The following PCDHA9 variants were observed in gnomAD, a reference collection of about 807,000 sequenced individuals.
PCDHA9 encodes the protein protocadherin alpha-9.
A neutral mutation model predicts 62.0 loss-of-function variants in PCDHA9; 62 were observed. The ratio of observed to expected loss-of-function variants is 1.00; its 90% CI spans 0.81 to 1.23. The LOEUF (loss-of-function observed/expected upper bound fraction) is 1.23. Ranked by LOEUF, PCDHA9 falls within the 50% of genes most tolerant of loss-of-function variation. The probability of loss-of-function intolerance (pLI) is 0.00; values close to 1 mark genes in which losing one functional copy is unlikely to be tolerated. For missense variants in PCDHA9, 1,205 were observed against 1,249.8 expected (o/e 0.96, Z 0.54); for synonymous variants, 557 against 567.6 (o/e 0.98, Z 0.27).
At chr5:140,900,667 G>A (rs557447526) in intron 1 of PCDHA9, among the ~76,000 whole-genome samples, 12 of 152,222 alleles carry the variant, frequency 7.9e-5, no homozygotes, top group Non-Finnish European at 1.6e-4. Flanking sequence ...CAATGGGAGT[G>A]CAGTTATCTC....
intron 1 of PCDHA9, among the ~76,000 whole-genome samples, chr5:140,952,764 G>A (rs1554220603): frequency 6.6e-6 from 1 of 152,116 alleles, no homozygotes; most frequent in Non-Finnish European, 1.5e-5. Flanking sequence ...CCTGAGACTG[G>A]ATAATTTAGA....
Position 140,856,093 on chromosome 5 carries a change from C to T in PCDHA9, c.2394+5204C>T, listed in dbSNP as rs533343357. 16 of 1,597,146 alleles carry T rather than the reference C, an allele frequency of 1.0e-5. 3 individuals are homozygous for T. Among genetic ancestry groups the T allele is most frequent in the South Asian group, 7.7e-5 (7 of 90,462 alleles). ...GCCTGGGGGTCCAGTGTCTGCTGCT[C>T]TCGCTTCTTCTCCTCGCAGCCTGGG... is the stretch of plus-strand genomic sequence containing the variant. On this transcript the variant is annotated intron_variant, in intron 1 of 3. Coordinates refer to ENST00000532602, the MANE Select transcript of PCDHA9 (RefSeq NM_031857.2).
chr5:140,950,671 A>G (rs1222424193), intron 1 of PCDHA9, among the ~76,000 whole-genome samples: 2 of 152,074 alleles, frequency 1.3e-5, no homozygotes, highest in Non-Finnish European at 2.9e-5. Context: ...TCAAACATGT[A>G]CATGTATATT....
At chr5:140,894,960 A>G (rs1277191439) in intron 1 of PCDHA9, among the ~76,000 whole-genome samples, 1 of 152,170 alleles carries the variant, frequency 6.6e-6, no homozygotes, top group African/African-American at 2.4e-5. Context: ...ATAAAAATAT[A>G]ATTTTTTAAT....
chr5:140,959,835 C>T (rs1554224346), intron 1 of PCDHA9, among the ~76,000 whole-genome samples: 2 of 152,042 alleles, frequency 1.3e-5, no homozygotes, highest in East Asian at 1.9e-4. Flanking sequence ...ATGTATTATG[C>T]CTGTAACTGC....
intron 1 of PCDHA9, among the ~76,000 whole-genome samples, chr5:140,886,721 G>A (rs2061104522): frequency 6.6e-6 from 1 of 151,592 alleles, no homozygotes; most frequent in Non-Finnish European, 1.5e-5. Context: ...AGCTACTTGG[G>A]AGGCTGAAGC....
intron 1 of PCDHA9, among the ~76,000 whole-genome samples, chr5:140,902,415 G>T (rs887303649): frequency 1.3e-5 from 2 of 152,060 alleles, no homozygotes; most frequent in South Asian, 4.1e-4. Context: ...TTGAATAACA[G>T]TGGTGAAAGT....
intron 1 of PCDHA9, chr5:140,877,544 C>A (rs782624202): frequency 6.2e-7 from 1 of 1,613,676 alleles, no homozygotes; most frequent in African/African-American, 1.3e-5. Context: ...GATCCCGAAG[C>A]GGCTCTGGTG....
Position 140,978,948 on chromosome 5 carries a change from G to A in PCDHA9, c.2395-1G>A, listed in dbSNP as rs1554239939. On this transcript the variant is annotated splice_acceptor_variant, in intron 1 of 3. Transcript: ENST00000532602. LOFTEE classifies it high-confidence loss of function. ...AGAAAACTCTCTTTGTGATTTTGCA[G>A]CCACGACAGCCCAACCCTGACTGGC... is the stretch of plus-strand genomic sequence containing the variant. 1 of 1,614,128 alleles carries A rather than the reference G, an allele frequency of 6.2e-7. No individual in the cohort carries two copies. The highest frequency in any genetic ancestry group is 8.5e-7 in the Non-Finnish European group (1 of 1,180,018).
intron 1 of PCDHA9, among the ~76,000 whole-genome samples, chr5:140,855,727 T>A (rs782065766): frequency 6.7e-6 from 1 of 149,598 alleles, no homozygotes; most frequent in Admixed American, 6.7e-5. Context: ...TGTTATTAAC[T>A]ATAAAGAGAC....
chr5:140,990,379 G>C (rs1554251452), intron 3 of PCDHA9, among the ~76,000 whole-genome samples: 3 of 152,092 alleles, frequency 2.0e-5, no homozygotes. Context: ...CAAATTTGTT[G>C]GTGATGTTCC....
At chr5:140,852,926 T>A in intron 1 of PCDHA9, 3 of 649,848 alleles carry the variant, frequency 4.6e-6, no homozygotes, top group Non-Finnish European at 5.9e-6. Flanking sequence ...TTGCCCAGGC[T>A]GGAGTGCAGT....
intron 1 of PCDHA9, among the ~76,000 whole-genome samples, chr5:140,917,503 T>G (rs1423295268): frequency 6.6e-6 from 1 of 152,208 alleles, no homozygotes; most frequent in African/African-American, 2.4e-5. Flanking sequence ...AGAATGATAT[T>G]TTCTAGGTTT....
intron 1 of PCDHA9, chr5:140,870,948 C>A (rs868931274): frequency 1.2e-6 from 2 of 1,613,466 alleles, no homozygotes; most frequent in African/African-American, 1.3e-5. Context: ...CGGCGGCGGG[C>A]GGCTCGCGCA....
chr5:140,887,496 A>G (rs1351125742), intron 1 of PCDHA9, among the ~76,000 whole-genome samples: 1 of 152,072 alleles, frequency 6.6e-6, no homozygotes, highest in Non-Finnish European at 1.5e-5. Context: ...CATAGTTTCT[A>G]ATAAGATGTT....
At chr5:141,004,597 C>CTTAG (rs1554259623) in intron 3 of PCDHA9, among the ~76,000 whole-genome samples, 1 of 152,218 alleles carries the variant, frequency 6.6e-6, no homozygotes, top group African/African-American at 2.4e-5. Flanking sequence ...GATGACAGTG[C>CTTAG]TTAGGCCTCA....
intron 1 of PCDHA9, among the ~76,000 whole-genome samples, chr5:140,919,580 A>G (rs1454243319): frequency 1.3e-5 from 2 of 152,194 alleles, no homozygotes; most frequent in African/African-American, 4.8e-5. Context: ...TTAGAATGTA[A>G]CATGGTAATT....
At position 140,850,537 on chromosome 5, in the gene PCDHA9, G is replaced by T. The variant is rs115218749; in HGVS notation, c.2042G>T (p.Arg681Leu). The stretch of plus-strand genomic sequence containing the variant: ...GGCCAGGCGCCAAAGTCATCGTCGC[G>T]GGCGTCAGTGGGTGCCACGGGCCCC... ...ESGQAPKSSSRASVGATGPEV... is the reference protein window; with the variant it reads ...ESGQAPKSSSLASVGATGPEV... The change falls in exon 1 of 4, where the codon CGG becomes CTG. Residue 681 changes from arginine to leucine, a missense_variant. Around this residue, in one of 3 missense-constraint regions of PCDHA9, gnomAD observed 887 missense variants for 809.5 expected, o/e 1.10. Transcript: ENST00000532602. 6.3e-7 allele frequency: 1 copy of T among 1,598,212 alleles called. No homozygotes were observed. Among genetic ancestry groups the T allele is most frequent in the Non-Finnish European group, 8.6e-7 (1 of 1,167,814 alleles).
intron 1 of PCDHA9, among the ~76,000 whole-genome samples, chr5:140,894,725 G>A (rs3776121): frequency 0.31 from 47,403 of 151,506 alleles, 8,352 homozygotes; most frequent in East Asian, 0.53. Context: ...CAAATATTAC[G>A]TAGCAATTTG....
Sources: allele counts gnomAD v4.1 joint callset (sites outside exome capture counted in the v4.1 genomes callset), GRCh38; gene constraint gnomAD v4.1.1; regional missense constraint gnomAD v4.1.1; transcripts MANE v1.5; gene names NCBI Gene and HGNC (gene_info 2026-07-23, HGNC 2026-07-21).